Variants in PDE7B observed in about 807,000 individuals in gnomAD.
PDE7B encodes the protein 3',5'-cyclic-AMP phosphodiesterase 7B.
A neutral mutation model predicts 56.2 loss-of-function variants in PDE7B; 29 were observed. The observed-to-expected ratio is 0.52, with a 90% confidence interval of 0.38 to 0.70. The LOEUF is 0.70. Ranked by LOEUF, PDE7B falls within the 30% of genes least tolerant of loss-of-function variation. The probability of loss-of-function intolerance (pLI) is 0.00; values close to 1 mark genes in which losing one functional copy is unlikely to be tolerated. For missense variants in PDE7B, 490 were observed against 565.0 expected (o/e 0.87, Z 1.35); for synonymous variants, 197 against 196.9 (o/e 1.00, Z 0.00).
At chr6:135,977,856 A>C (rs566358330) in intron 2 of PDE7B, among the ~76,000 whole-genome samples, 20 of 152,276 alleles carry the variant, frequency 1.3e-4, no homozygotes, top group African/African-American at 4.8e-4. Context: ...TTGCCATGAA[A>C]GTAATGGCAA....
chr6:135,963,260 A>G (rs758064833), intron 2 of PDE7B, among the ~76,000 whole-genome samples: 1 of 152,334 alleles, frequency 6.6e-6, no homozygotes, highest in Non-Finnish European at 1.5e-5. Context: ...TTAAGCTAAG[A>G]GACAAACAAA....
intron 8 of PDE7B, among the ~76,000 whole-genome samples, chr6:136,156,573 G>A (rs966348821): frequency 6.6e-6 from 1 of 152,080 alleles, no homozygotes; most frequent in Non-Finnish European, 1.5e-5. Context: ...ACCACATTCA[G>A]GATACTACCT....
intron 3 of PDE7B, among the ~76,000 whole-genome samples, chr6:136,126,830 A>G (rs1778030315): frequency 6.6e-6 from 1 of 152,190 alleles, no homozygotes; most frequent in Admixed American, 6.5e-5. Context: ...GAGGGATAAA[A>G]GATTACAAAT....
intron 3 of PDE7B, among the ~76,000 whole-genome samples, chr6:136,116,425 C>T (rs1195656335): frequency 1.3e-5 from 2 of 152,212 alleles, no homozygotes; most frequent in Admixed American, 6.5e-5. Context: ...AATTAACTAA[C>T]ATCCATATGT....
intron 1 of PDE7B, among the ~76,000 whole-genome samples, chr6:135,928,335 C>T (rs113395494): frequency 4.7e-5 from 7 of 149,570 alleles, no homozygotes; most frequent in Non-Finnish European, 1.5e-5. Flanking sequence ...AAGGCACATA[C>T]ACTCATATGT....
intron 1 of PDE7B, among the ~76,000 whole-genome samples, chr6:135,935,040 A>C (rs1409019332): frequency 1.5e-5 from 1 of 64,932 alleles, no homozygotes; most frequent in Admixed American, 2.3e-4. Context: ...ATATTTCTCT[A>C]TATATTTTAT....
chr6:135,952,186 A>G (rs1324013716), intron 2 of PDE7B, among the ~76,000 whole-genome samples: 3 of 152,170 alleles, frequency 2.0e-5, no homozygotes, highest in Non-Finnish European at 4.4e-5. Flanking sequence ...TTGTGTATGC[A>G]TCAATAAGTT....
chr6:136,187,102 C>T lies in PDE7B; in HGVS notation c.1112C>T (p.Pro371Leu). The change falls in exon 12 of 13, where the codon CCT (proline) becomes CTT (leucine). Residue 371 changes from proline to leucine, a missense_variant. Transcript: ENST00000308191. ...PLCNQQKDSI[P>L]SIQIGFMSYI... ...TGTAATCAACAGAAAGATTCCATCC[C>T]TAGTATACAAATTGGTGAGTTGAAT... 3.2e-6 allele frequency: 5 copies of T among 1,552,312 alleles called. No homozygotes were observed. The highest frequency in any genetic ancestry group is 4.4e-6 in the Non-Finnish European group (5 of 1,125,738).
chr6:136,166,627 A>C (rs1475799548), intron 8 of PDE7B, among the ~76,000 whole-genome samples: 1 of 152,112 alleles, frequency 6.6e-6, no homozygotes, highest in Non-Finnish European at 1.5e-5. Flanking sequence ...ACTCACTACC[A>C]CAAGAACAGC....
intron 4 of PDE7B, 92 bp from the exon 5 acceptor site, chr6:136,148,995 C>A: frequency 1.1e-6 from 1 of 909,340 alleles, no homozygotes; most frequent in Non-Finnish European, 1.8e-6. Flanking sequence ...GGATTTTCAA[C>A]TTTTTAATTG....
chr6:135,965,152 A>AAATG (rs112152064), intron 2 of PDE7B, among the ~76,000 whole-genome samples: 1,990 of 152,350 alleles, frequency 0.013, 29 homozygotes, highest in Middle Eastern at 0.041. Flanking sequence ...ATAAATAAAT[A>AAATG]AATGAATAAA....
chr6:136,085,992 C>T (rs143534763), intron 2 of PDE7B, among the ~76,000 whole-genome samples: 163 of 152,286 alleles, frequency 1.1e-3, no homozygotes, highest in Middle Eastern at 3.4e-3. Flanking sequence ...CATACTCTTA[C>T]GGTTTTGCTT....
chr6:136,106,495 A>G (rs965503735), intron 2 of PDE7B, among the ~76,000 whole-genome samples: 1 of 152,216 alleles, frequency 6.6e-6, no homozygotes, highest in Non-Finnish European at 1.5e-5. Flanking sequence ...ACTGACTATA[A>G]GCTGAAAGCA....
rs9385744 is a variant in PDE7B, at chr6:135,869,009, T to C, written c.21+16990T>C. ...CATATATTATATCAAGCCATTGAAA[T>C]GATCATCTTTTGGCCAAAAAAGTAA... is the stretch of plus-strand genomic sequence containing the variant. On this transcript the variant is annotated intron_variant, in intron 1 of 12. Transcript: ENST00000308191. 2.6e-5 allele frequency among the ~76,000 whole-genome samples: 4 copies of C among 152,272 alleles called. No homozygotes were observed. In the East Asian group the frequency reaches 7.7e-4, roughly 29 times the overall value.
At chr6:135,889,997 C>T (rs1775782820) in intron 1 of PDE7B, among the ~76,000 whole-genome samples, 1 of 152,032 alleles carries the variant, frequency 6.6e-6, no homozygotes, top group South Asian at 2.1e-4. Flanking sequence ...AGGTTATCCG[C>T]CCACCTCAGC....
At chr6:136,139,120 T>G (rs1583902720) in intron 3 of PDE7B, among the ~76,000 whole-genome samples, 1 of 152,060 alleles carries the variant, frequency 6.6e-6, no homozygotes, top group African/African-American at 2.4e-5. Context: ...CCCTCCCCCT[T>G]CCCCCGACGC....
At chr6:135,966,552 G>A (rs1477901498) in intron 2 of PDE7B, among the ~76,000 whole-genome samples, 1 of 152,134 alleles carries the variant, frequency 6.6e-6, no homozygotes, top group African/African-American at 2.4e-5. Context: ...ACCTAGGCTA[G>A]AATGAGTAGC....
chr6:136,045,076 G>A (rs1358089718), intron 2 of PDE7B: 2 of 148,524 alleles, frequency 1.3e-5, no homozygotes, highest in African/African-American at 5.0e-5. Flanking sequence ...TTTAACTCAC[G>A]AAAGTAACTG....
chr6:135,899,018 G>A (rs1029630220), intron 1 of PDE7B, among the ~76,000 whole-genome samples: 2 of 152,072 alleles, frequency 1.3e-5, no homozygotes, highest in East Asian at 1.9e-4. Flanking sequence ...CCCCCATGCT[G>A]TTCTCATGGT....
Sources: allele counts gnomAD v4.1 joint callset (sites outside exome capture counted in the v4.1 genomes callset), GRCh38; gene constraint gnomAD v4.1.1; transcripts MANE v1.5; gene names NCBI Gene and HGNC (gene_info 2026-07-23, HGNC 2026-07-21).